ERC2: variants seen among roughly 807,000 people sequenced by gnomAD.
ERC2 encodes ELKS/RAB6-interacting/CAST family member 2, also known as ERC protein 2.
Under a neutral mutation model 114.8 loss-of-function variants are expected in ERC2, and 42 were observed. The ratio of observed to expected loss-of-function variants is 0.37; its 90% CI spans 0.29 to 0.47. The LOEUF is 0.47. Among genes scored for constraint, ERC2 ranks in the 20% least tolerant of loss-of-function variants. ERC2 has a pLI of 0.99. For synonymous variants in ERC2, 454 were observed against 425.5 expected, an observed-to-expected ratio of 1.07 and a Z score of -0.82; for missense variants, 939 against 1,150.7, an observed-to-expected ratio of 0.82 and a Z score of 2.66.
chr3:55,972,627 T>C (rs541422929), intron 12 of ERC2, among the ~76,000 whole-genome samples: 1 of 152,328 alleles, frequency 6.6e-6, no homozygotes, highest in South Asian at 2.1e-4. Flanking sequence ...TATGGCTGCA[T>C]AGTATTCCAT....
chr3:55,627,453 G>A lies in ERC2; in HGVS notation c.*39+56341C>T, dbSNP rs1200294486. On this transcript the variant is annotated intron_variant, in intron 17 of 17. Coordinates refer to ENST00000288221, the MANE Select transcript of ERC2 (RefSeq NM_015576.3). ...TGTACCCTAGCCTGGGCGACAGAGC[G>A]AGACTCCATCTCAAAAAAGAAAAAA... 3.3e-5 allele frequency among the ~76,000 whole-genome samples: 5 copies of A among 151,974 alleles called. No individual in the cohort carries two copies. In the East Asian group the frequency reaches 7.7e-4, roughly 23 times the overall value.
intron 17 of ERC2, among the ~76,000 whole-genome samples, chr3:55,543,442 G>A (rs1417428483): frequency 1.3e-5 from 2 of 152,204 alleles, no homozygotes; most frequent in Admixed American, 6.5e-5. Flanking sequence ...TGAGTGAGTG[G>A]CCAGGTCACT....
intron 14 of ERC2, among the ~76,000 whole-genome samples, chr3:55,819,399 C>T (rs1041291449): frequency 2.6e-5 from 4 of 152,128 alleles, no homozygotes; most frequent in Non-Finnish European, 4.4e-5. Flanking sequence ...GAGCAAATAT[C>T]CTCAGCTTTT....
chr3:56,153,902 T>C (rs1341209147), intron 4 of ERC2, among the ~76,000 whole-genome samples: 1 of 152,196 alleles, frequency 6.6e-6, no homozygotes, highest in Admixed American at 6.5e-5. Context: ...TTCACTGTGA[T>C]CACATATTGG....
intron 6 of ERC2, among the ~76,000 whole-genome samples, chr3:56,123,501 T>G (rs559760708): frequency 6.6e-6 from 1 of 152,188 alleles, no homozygotes; most frequent in Admixed American, 6.5e-5. Flanking sequence ...GGTAATTTTT[T>G]TATAACAGCC....
At chr3:55,714,470 T>C (rs972647222) in intron 15 of ERC2, among the ~76,000 whole-genome samples, 4 of 151,878 alleles carry the variant, frequency 2.6e-5, no homozygotes, top group Admixed American at 2.6e-4. Flanking sequence ...ATTCCTATAA[T>C]GAAATATTCA....
chr3:55,973,299 G>A (rs189752823), intron 12 of ERC2, among the ~76,000 whole-genome samples: 2 of 152,190 alleles, frequency 1.3e-5, no homozygotes, highest in African/African-American at 4.8e-5. Flanking sequence ...ATGAGCTACA[G>A]GCCACTTAGA....
chr3:55,781,107 C>T (rs1235137148), intron 14 of ERC2, among the ~76,000 whole-genome samples: 3 of 152,158 alleles, frequency 2.0e-5, no homozygotes, highest in African/African-American at 7.2e-5. Context: ...CTGTGTGAGA[C>T]CTCAGACAAG....
At chr3:56,353,426 C>T (rs1015859549) in intron 2 of ERC2, among the ~76,000 whole-genome samples, 1 of 151,954 alleles carries the variant, frequency 6.6e-6, no homozygotes, top group Admixed American at 6.6e-5. Flanking sequence ...CAGTGATACA[C>T]TGGATTAAGA....
chr3:56,248,588 C>T (rs2051886796), intron 3 of ERC2, among the ~76,000 whole-genome samples: 1 of 152,194 alleles, frequency 6.6e-6, no homozygotes, highest in Admixed American at 6.5e-5. Context: ...AATAGCGTCC[C>T]ATCCTTGCCA....
At chr3:55,774,619 G>T (rs1575562693) in intron 14 of ERC2, among the ~76,000 whole-genome samples, 2 of 152,300 alleles carry the variant, frequency 1.3e-5, no homozygotes, top group Non-Finnish European at 2.9e-5. Context: ...CAGAGGCTCG[G>T]ATCTCCTTCA....
chr3:56,238,571 G>T (rs1454944024), intron 3 of ERC2, among the ~76,000 whole-genome samples: 2 of 152,206 alleles, frequency 1.3e-5, no homozygotes, highest in Non-Finnish European at 2.9e-5. Context: ...TTAGTCTGCA[G>T]GGCTGGCCCA....
At chr3:56,413,094 T>C (rs2061005213) in intron 2 of ERC2, among the ~76,000 whole-genome samples, 1 of 152,100 alleles carries the variant, frequency 6.6e-6, no homozygotes, top group Non-Finnish European at 1.5e-5. Flanking sequence ...ACCAGGACAT[T>C]GACTAGGACA....
intron 4 of ERC2, among the ~76,000 whole-genome samples, chr3:56,159,086 AC>A (rs1257967385): frequency 2.0e-5 from 3 of 150,822 alleles, no homozygotes; most frequent in Non-Finnish European, 3.0e-5. Flanking sequence ...AGTGTGTGGC[AC>A]CCCCCCACCC....
intron 2 of ERC2, among the ~76,000 whole-genome samples, chr3:56,348,480 T>C (rs1481220623): frequency 1.3e-5 from 2 of 148,594 alleles, no homozygotes; most frequent in East Asian, 1.9e-4. Context: ...CAAATATATA[T>C]ATTTTTATTT....
At chr3:56,425,560 C>CTTTT (rs67210393) in intron 2 of ERC2, among the ~76,000 whole-genome samples, 2 of 124,002 alleles carry the variant, frequency 1.6e-5, no homozygotes, top group Non-Finnish European at 3.3e-5. Context: ...GACCCTTTTT[C>CTTTT]TTTTTTTTTT....
At chr3:55,920,204 GA>G (rs1239990867) in intron 13 of ERC2, among the ~76,000 whole-genome samples, 1 of 151,934 alleles carries the variant, frequency 6.6e-6, no homozygotes, top group Non-Finnish European at 1.5e-5. Context: ...AAGCAAATAT[GA>G]AAAAATTATT....
chr3:55,630,447 G>C (rs1188100976), intron 17 of ERC2, among the ~76,000 whole-genome samples: 2 of 152,172 alleles, frequency 1.3e-5, no homozygotes, highest in Non-Finnish European at 2.9e-5. Flanking sequence ...GGGATTACAG[G>C]TGTGAGCCAC....
At chr3:55,758,444 C>G (rs1345495790) in intron 14 of ERC2, among the ~76,000 whole-genome samples, 1 of 152,218 alleles carries the variant, frequency 6.6e-6, no homozygotes, top group African/African-American at 2.4e-5. Context: ...CTCAGAACCA[C>G]TTCTTCTCTG....
Sources: allele counts gnomAD v4.1 joint callset (sites outside exome capture counted in the v4.1 genomes callset), GRCh38; gene constraint gnomAD v4.1.1; transcripts MANE v1.5; gene names NCBI Gene and HGNC (gene_info 2026-07-23, HGNC 2026-07-21).